The following PRKCA variants were observed in gnomAD, a reference collection of about 807,000 sequenced individuals.
PRKCA encodes the protein protein kinase C alpha.
In PRKCA, 27 loss-of-function variants were observed where a neutral mutation model predicts 87.0. The ratio of observed to expected loss-of-function variants is 0.31; its 90% CI spans 0.23 to 0.43. The LOEUF (loss-of-function observed/expected upper bound fraction) is 0.43, where lower values mean the gene tolerates loss of function less well. Among genes scored for constraint, PRKCA ranks in the 20% least tolerant of loss-of-function variants. The pLI, the probability that PRKCA is intolerant of heterozygous loss-of-function variation, is 1.00. For missense variants in PRKCA, 518 were observed against 852.3 expected (o/e 0.61, Z 4.88); for synonymous variants, 329 against 311.1 (o/e 1.06, Z -0.61).
At chr17:66,335,453 G>A (rs954483484) in intron 2 of PRKCA, among the ~76,000 whole-genome samples, 1 of 151,928 alleles carries the variant, frequency 6.6e-6, no homozygotes, top group Non-Finnish European at 1.5e-5. Context: ...GTTTTTAATG[G>A]TAGTTCCAGT....
chr17:66,499,464 CTTAT>C (rs1487329621), intron 3 of PRKCA, among the ~76,000 whole-genome samples: 1 of 152,166 alleles, frequency 6.6e-6, no homozygotes, highest in Non-Finnish European at 1.5e-5. Context: ...AAAGGACAAT[CTTAT>C]TTACATGGGA....
intron 2 of PRKCA, among the ~76,000 whole-genome samples, chr17:66,430,823 C>T (rs541016644): frequency 4.6e-5 from 7 of 152,260 alleles, no homozygotes; most frequent in African/African-American, 1.7e-4. Context: ...TTGAAGACGG[C>T]TGTTTTAGGC....
intron 14 of PRKCA, among the ~76,000 whole-genome samples, chr17:66,778,987 A>G (rs1475413426): frequency 2.0e-5 from 3 of 152,062 alleles, no homozygotes; most frequent in African/African-American, 4.8e-5. Context: ...CCCCTTCTTC[A>G]TCTTTCTCTC....
chr17:66,747,449 A>G (rs1229062033), intron 13 of PRKCA, among the ~76,000 whole-genome samples: 1 of 152,184 alleles, frequency 6.6e-6, no homozygotes, highest in Non-Finnish European at 1.5e-5. Flanking sequence ...GTTAGACCAC[A>G]CACAAAGGAC....
chr17:66,561,096 T>C (rs1968666542), intron 3 of PRKCA, among the ~76,000 whole-genome samples: 1 of 152,162 alleles, frequency 6.6e-6, no homozygotes, highest in Admixed American at 6.5e-5. Context: ...GAGCTACAGT[T>C]TTCCACAAAA....
intron 2 of PRKCA, among the ~76,000 whole-genome samples, chr17:66,414,150 T>C (rs1401802455): frequency 1.3e-5 from 2 of 152,144 alleles, no homozygotes; most frequent in Non-Finnish European, 2.9e-5. Flanking sequence ...ATGGTTTGGA[T>C]CTGCATCCCC....
intron 2 of PRKCA, among the ~76,000 whole-genome samples, chr17:66,352,694 G>A (rs142540163): frequency 0.011 from 1,663 of 150,226 alleles, 31 homozygotes; most frequent in African/African-American, 0.039. Context: ...CTCCCGAGTA[G>A]CTGGGACTAC....
chr17:66,547,236 A>G (rs1161321688), intron 3 of PRKCA, among the ~76,000 whole-genome samples: 1 of 152,176 alleles, frequency 6.6e-6, no homozygotes, highest in African/African-American at 2.4e-5. Flanking sequence ...TCTTTCAAAC[A>G]GTTATTTCCC....
rs996937218 is a variant in PRKCA, at chr17:66,803,136, G to A, written c.1855-737G>A. 6.6e-6 allele frequency among the ~76,000 whole-genome samples: 1 copy of A among 152,150 alleles called. No homozygotes were observed. Among genetic ancestry groups the A allele is most frequent in the African/African-American group, 2.4e-5 (1 of 41,424 alleles). On this transcript the variant is annotated intron_variant, in intron 16 of 16. Transcript: ENST00000413366. The surrounding 1 kb of genome is among the most constrained non-coding windows in gnomAD (Gnocchi z 4.4). ...TCTGCCTGGAGTGGACCCTGGAGGA[G>A]AGGAACAGCCGAGACAGCAGGCCTC...
At chr17:66,502,725 G>A (rs9890396) in intron 3 of PRKCA, among the ~76,000 whole-genome samples, 134 of 152,156 alleles carry the variant, frequency 8.8e-4, no homozygotes, top group African/African-American at 3.1e-3. Context: ...TGCGATCTCG[G>A]CTCACTGCAA....
At chr17:66,574,283 A>G (rs558759439) in intron 3 of PRKCA, among the ~76,000 whole-genome samples, 10 of 152,282 alleles carry the variant, frequency 6.6e-5, no homozygotes, top group African/African-American at 1.9e-4. Flanking sequence ...AATGGCCTAC[A>G]TGGAATGGGC....
chr17:66,662,846 C>T (rs77851896), intron 5 of PRKCA, among the ~76,000 whole-genome samples: 1,861 of 152,170 alleles, frequency 0.012, 44 homozygotes, highest in African/African-American at 0.042. Flanking sequence ...CTCCAAACAC[C>T]GTAGTGTTCC....
At chr17:66,623,480 C>A (rs1207401122) in intron 3 of PRKCA, among the ~76,000 whole-genome samples, 1 of 152,142 alleles carries the variant, frequency 6.6e-6, no homozygotes, top group Non-Finnish European at 1.5e-5. Context: ...ATTGAGCTCC[C>A]AGGAGATATG....
intron 2 of PRKCA, among the ~76,000 whole-genome samples, chr17:66,495,525 G>GTTATTTTATTTTATTTTATTTTATTT (rs548468006): frequency 7.3e-6 from 1 of 137,262 alleles, no homozygotes; most frequent in South Asian, 2.3e-4. Flanking sequence ...ATGGTGCAAA[G>GTTATTTTATTTTATTTTATTTTATTT]TATTTTATTT....
intron 2 of PRKCA, among the ~76,000 whole-genome samples, chr17:66,374,177 G>T (rs1023646845): frequency 6.6e-6 from 1 of 152,084 alleles, no homozygotes; most frequent in Non-Finnish European, 1.5e-5. Context: ...CCTTCCTTCC[G>T]CCTGGAGCTT....
intron 9 of PRKCA, among the ~76,000 whole-genome samples, chr17:66,733,707 G>A (rs556535291): frequency 1.3e-5 from 2 of 152,188 alleles, no homozygotes; most frequent in Admixed American, 6.5e-5. Context: ...CAGGAGAATC[G>A]CTGGAACCTG....
In PRKCA at chr17:66,402,415, T is replaced by A. The variant is rs538110246; in HGVS notation, c.206-93786T>A. Among the ~76,000 whole-genome samples, 43 of 15,340 alleles carry A rather than the reference T, an allele frequency of 2.8e-3. No homozygotes were observed. The South Asian group carries it at 0.12, about 41-fold the overall frequency. The allele number at this position is 15,340 out of a possible 152,430, so 10.1% of individuals were successfully genotyped here. A position where few individuals can be genotyped will look rare whatever the true frequency, so the allele number is the denominator to read the frequency against. On this transcript the variant is annotated intron_variant, in intron 2 of 16. Transcript: ENST00000413366. Reference sequence around the variant, plus strand: ...GAAAAGTGAAAAAGAGGCCAAGAAATTTTTTTTTTTTTTTTTTTTTAAAGA... The same window carrying A: ...GAAAAGTGAAAAAGAGGCCAAGAAAATTTTTTTTTTTTTTTTTTTTAAAGA...
intron 2 of PRKCA, among the ~76,000 whole-genome samples, chr17:66,383,229 G>A (rs1317018039): frequency 6.6e-6 from 1 of 152,116 alleles, no homozygotes; most frequent in African/African-American, 2.4e-5. Context: ...GTATTTGTAA[G>A]TTGTTCATAT....
chr17:66,558,162 G>C (rs1306387447), intron 3 of PRKCA, among the ~76,000 whole-genome samples: 1 of 152,242 alleles, frequency 6.6e-6, no homozygotes, highest in Non-Finnish European at 1.5e-5. Context: ...GGCTCCTGAT[G>C]GTCGGTTTGA....
Sources: gnomAD v4.1 joint callset for allele counts (sites outside exome capture counted in the v4.1 genomes callset) on GRCh38, gnomAD v4.1.1 for gene constraint, Gnocchi (gnomAD v3.1) non-coding constraint, MANE v1.5 for transcripts, NCBI Gene and HGNC (gene_info 2026-07-23, HGNC 2026-07-21) for gene names.